Variants in DLC1 observed in about 807,000 individuals in gnomAD.
The protein encoded by DLC1 is rho GTPase-activating protein 7.
A neutral mutation model predicts 140.3 loss-of-function variants in DLC1; 54 were observed. The observed-to-expected ratio is 0.38, with a 90% confidence interval of 0.31 to 0.48. The LOEUF (loss-of-function observed/expected upper bound fraction) is 0.48, where lower values mean the gene tolerates loss of function less well. DLC1 is among the 20% of genes least tolerant of loss of function. The pLI is 0.96. For missense variants in DLC1, 2,536 were observed against 1,907.0 expected, an observed-to-expected ratio of 1.33 and a Z score of -6.14; for synonymous variants, 986 against 728.1, an observed-to-expected ratio of 1.35 and a Z score of -5.70.
intron 4 of DLC1, among the ~76,000 whole-genome samples, chr8:13,327,636 C>A (rs1359271446): frequency 2.0e-5 from 3 of 151,928 alleles, no homozygotes; most frequent in African/African-American, 7.3e-5. Flanking sequence ...TTTTCTGTTT[C>A]CTATATCCAC....
At chr8:13,561,842 C>G (rs1804254909) in intron 1 of DLC1, among the ~76,000 whole-genome samples, 1 of 152,030 alleles carries the variant, frequency 6.6e-6, no homozygotes, top group Admixed American at 6.6e-5. Flanking sequence ...AACTCTACTA[C>G]TAGTTCAAAA....
intron 2 of DLC1, among the ~76,000 whole-genome samples, chr8:13,477,400 G>A (rs545790910): frequency 3.7e-4 from 56 of 152,244 alleles, no homozygotes; most frequent in Non-Finnish European, 5.7e-4. Context: ...AAGAGCCCGT[G>A]GGAGACCAGG....
At chr8:13,273,054 T>G (rs537839154) in intron 5 of DLC1, among the ~76,000 whole-genome samples, 1 of 152,368 alleles carries the variant, frequency 6.6e-6, no homozygotes, top group African/African-American at 2.4e-5. Flanking sequence ...TAATTCTATA[T>G]ATTTTATTTA....
intron 5 of DLC1, among the ~76,000 whole-genome samples, chr8:13,218,005 G>T (rs1265404998): frequency 6.6e-6 from 1 of 152,082 alleles, no homozygotes; most frequent in Non-Finnish European, 1.5e-5. Context: ...ACAGAAGCCA[G>T]TCCCCTCCCT....
chr8:13,284,002 C>G (rs901489381), intron 5 of DLC1, among the ~76,000 whole-genome samples: 2 of 152,020 alleles, frequency 1.3e-5, no homozygotes, highest in African/African-American at 4.8e-5. Context: ...GGGAAGAAAC[C>G]CTGGAAATCA....
At chr8:13,494,408 C>T (rs539452627) in intron 2 of DLC1, among the ~76,000 whole-genome samples, 150 of 152,220 alleles carry the variant, frequency 9.9e-4, no homozygotes, top group African/African-American at 3.4e-3. Flanking sequence ...GCAGTGAAGC[C>T]GACGACCTGG....
intron 5 of DLC1, among the ~76,000 whole-genome samples, chr8:13,136,522 GT>G (rs57020026): frequency 1.3e-5 from 2 of 152,180 alleles, no homozygotes; most frequent in African/African-American, 4.8e-5. Flanking sequence ...TTTCATTCTT[GT>G]TTTTGAGATC....
chr8:13,117,038 C>CT (rs1029850484), intron 5 of DLC1, among the ~76,000 whole-genome samples: 1 of 152,020 alleles, frequency 6.6e-6, no homozygotes, highest in African/African-American at 2.4e-5. Context: ...TTTGAGCTTA[C>CT]TTTTTTTTCG....
intron 5 of DLC1, among the ~76,000 whole-genome samples, chr8:13,294,626 G>T (rs780402703): frequency 5.3e-5 from 8 of 152,188 alleles, no homozygotes; most frequent in Non-Finnish European, 1.2e-4. Context: ...CATGACTACA[G>T]AGGAAGGTGC....
chr8:13,113,601 T>C (rs1485630772), intron 6 of DLC1, among the ~76,000 whole-genome samples: 2 of 152,226 alleles, frequency 1.3e-5, no homozygotes, highest in Non-Finnish European at 2.9e-5. Context: ...AGTTTCTAAA[T>C]AGGAGAACAA....
chr8:13,595,139 C>T (rs937243711), intron 1 of DLC1, among the ~76,000 whole-genome samples: 13 of 152,010 alleles, frequency 8.6e-5, no homozygotes, highest in African/African-American at 2.7e-4. Flanking sequence ...TGTTTTACTA[C>T]AGTCACAAGC....
At chr8:13,219,177 T>A (rs1483745152) in intron 5 of DLC1, among the ~76,000 whole-genome samples, 1 of 61,718 alleles carries the variant, frequency 1.6e-5, no homozygotes, top group Non-Finnish European at 2.8e-5. Flanking sequence ...ACTATATAAT[T>A]ATATGAATAT....
At chr8:13,172,070 T>A (rs764482415) in intron 5 of DLC1, among the ~76,000 whole-genome samples, 1 of 152,208 alleles carries the variant, frequency 6.6e-6, no homozygotes, top group Non-Finnish European at 1.5e-5. Context: ...GAGCAATAAT[T>A]GTGCTTCATC....
At chr8:13,160,856 C>T (rs11780856) in intron 5 of DLC1, among the ~76,000 whole-genome samples, 30,588 of 152,122 alleles carry the variant, frequency 0.2, 3,388 homozygotes, top group East Asian at 0.37. Context: ...GAGGCCAAGG[C>T]GGGAGGATCA....
chr8:13,372,732 T>C (rs1188721662), intron 4 of DLC1, among the ~76,000 whole-genome samples: 4 of 152,224 alleles, frequency 2.6e-5, no homozygotes, highest in African/African-American at 9.6e-5. Context: ...GAAATAGTTA[T>C]ATTAACTCAT....
At chr8:13,567,107 G>A in intron 1 of DLC1, 7 of 1,551,756 alleles carry the variant, frequency 4.5e-6, no homozygotes, top group African/African-American at 1.4e-5. Flanking sequence ...AGCTCATTCA[G>A]CTCCTCTGGA....
intron 2 of DLC1, among the ~76,000 whole-genome samples, chr8:13,414,005 T>C (rs1837932062): frequency 6.6e-6 from 1 of 151,964 alleles, no homozygotes; most frequent in African/African-American, 2.4e-5. Flanking sequence ...GTGAATTATA[T>C]CAGTGATATA....
At position 13,397,839 on chromosome 8, in the gene DLC1, G is replaced by C. The variant is rs183617769; in HGVS notation, c.1173+3631C>G. Among the ~76,000 whole-genome samples, 24 of 151,688 alleles carry C rather than the reference G, an allele frequency of 1.6e-4. No homozygotes were observed. In the Middle Eastern group the frequency reaches 0.014, roughly 87 times the overall value. On this transcript the variant is annotated intron_variant, in intron 3 of 17. Transcript: ENST00000276297. ...CACATATTAAGCATGCAAATTAAAAGAACAAGACCTTGGCCAGGTGTGGTG... is the reference window on the plus strand; with the variant it reads ...CACATATTAAGCATGCAAATTAAAACAACAAGACCTTGGCCAGGTGTGGTG...
At chr8:13,297,352 G>A (rs1447194105) in intron 5 of DLC1, among the ~76,000 whole-genome samples, 1 of 131,482 alleles carries the variant, frequency 7.6e-6, no homozygotes, top group Non-Finnish European at 1.6e-5. Context: ...CACTTTCTGA[G>A]AATGAAAGAG....
Sources: allele counts gnomAD v4.1 joint callset (sites outside exome capture counted in the v4.1 genomes callset), GRCh38; gene constraint gnomAD v4.1.1; transcripts MANE v1.5; gene names NCBI Gene and HGNC (gene_info 2026-07-23, HGNC 2026-07-21).